Variants in RGS6 observed in about 807,000 individuals in gnomAD.
RGS6 encodes the protein regulator of G protein signaling 6.
A neutral mutation model predicts 78.5 loss-of-function variants in RGS6; 30 were observed. That is an observed-to-expected ratio of 0.38 (90% CI 0.29 to 0.52). RGS6 has a LOEUF of 0.52. Among genes scored for constraint, RGS6 ranks in the 20% least tolerant of loss-of-function variants. The probability of loss-of-function intolerance (pLI) is 0.85; values close to 1 mark genes in which losing one functional copy is unlikely to be tolerated. For synonymous variants in RGS6, 206 were observed against 206.0 expected, an observed-to-expected ratio of 1.00 and a Z score of 0.00; for missense variants, 495 against 609.7, an observed-to-expected ratio of 0.81 and a Z score of 1.98.
chr14:72,567,070 G>T (rs73302587), downstream of RGS6, among the ~76,000 whole-genome samples: 6,369 of 152,298 alleles, frequency 0.042, 454 homozygotes, highest in African/African-American at 0.15. Flanking sequence ...GGCAGTGCTA[G>T]TGTACTGCAA....
At chr14:72,143,708 C>A (rs1417538440) in intron 2 of RGS6, among the ~76,000 whole-genome samples, 1 of 152,118 alleles carries the variant, frequency 6.6e-6, no homozygotes, top group Non-Finnish European at 1.5e-5. Context: ...TCTATCAGAA[C>A]ACGTCTTTAA....
intron 2 of RGS6, among the ~76,000 whole-genome samples, chr14:72,274,378 A>T (rs955195913): frequency 4.6e-5 from 7 of 152,178 alleles, no homozygotes; most frequent in Non-Finnish European, 7.4e-5. Flanking sequence ...GCTTTGTGCC[A>T]TCAGGTCATC....
intron 17 of RGS6, among the ~76,000 whole-genome samples, chr14:72,555,417 T>G (rs1599110886): frequency 6.6e-6 from 1 of 152,214 alleles, no homozygotes; most frequent in African/African-American, 2.4e-5. Context: ...GATTTCCAAA[T>G]GGGATGAGGG....
chr14:72,327,904 A>G (rs1335483429), intron 2 of RGS6, among the ~76,000 whole-genome samples: 1 of 151,024 alleles, frequency 6.6e-6, no homozygotes, highest in East Asian at 1.9e-4. Flanking sequence ...ACAATAGGAT[A>G]TAGCCTAGAT....
chr14:72,289,329 TTCTC>T (rs3831615), intron 2 of RGS6, among the ~76,000 whole-genome samples: 107 of 146,988 alleles, frequency 7.3e-4, no homozygotes, highest in Non-Finnish European at 1.2e-3. Flanking sequence ...TTTTCTTTCT[TTCTC>T]TCTCTCTCTC....
chr14:72,403,027 G>A (rs1046107069), intron 3 of RGS6, among the ~76,000 whole-genome samples: 15 of 151,968 alleles, frequency 9.9e-5, no homozygotes, highest in African/African-American at 3.6e-4. Flanking sequence ...CTGATCTCAA[G>A]TCATCTGCCC....
At position 72,442,310 on chromosome 14, in the gene RGS6, G is replaced by A. The variant is rs539191138; in HGVS notation, c.185-12218G>A. ...TGTCATGGAGTCCTGTTAGCATGGT[G>A]AGCTGCAGGCTGTTCTGCATGAGTC... On this transcript the variant is annotated intron_variant, in intron 3 of 17. Transcript: ENST00000553525. Among the ~76,000 whole-genome samples, 5 of 152,186 alleles carry A rather than the reference G, an allele frequency of 3.3e-5. No individual in the cohort carries two copies. In the South Asian group the frequency reaches 1.0e-3, roughly 32 times the overall value.
At chr14:72,578,692 C>T in the RGS6 span, among the ~76,000 whole-genome samples, 5 of 152,176 alleles carry the variant, frequency 3.3e-5, no homozygotes, top group South Asian at 2.1e-4. Flanking sequence ...CCGCACACAG[C>T]GGGGTATGGC....
chr14:72,590,860 G>A, the RGS6 span, among the ~76,000 whole-genome samples: 1 of 152,232 alleles, frequency 6.6e-6, no homozygotes, highest in Non-Finnish European at 1.5e-5. Flanking sequence ...GCTAGAAGCC[G>A]CTGTCTCTGA....
chr14:71,955,336 G>A (rs964673514), intron 1 of RGS6, among the ~76,000 whole-genome samples: 7 of 152,114 alleles, frequency 4.6e-5, no homozygotes, highest in Admixed American at 2.6e-4. Context: ...AAATGGTAAC[G>A]TTACAGGAAA....
In RGS6 at chr14:72,085,353, A is replaced by G. The variant is rs531549599; in HGVS notation, c.84+120478A>G. On this transcript the variant is annotated intron_variant, in intron 2 of 17. Transcript: ENST00000553525. ...TCCAGCGAGGTTAAGTCACTTGCTC[A>G]GTGTCCCTCAGTATTAAGTGATAAA... Among the ~76,000 whole-genome samples, 420 of 152,318 alleles carry G rather than the reference A, an allele frequency of 2.8e-3. 1 individual carries two copies. Among genetic ancestry groups the G allele is most frequent in the Middle Eastern group, 0.027 (8 of 294 alleles).
At chr14:72,521,263 A>G (rs2097034303) in intron 15 of RGS6, among the ~76,000 whole-genome samples, 1 of 152,224 alleles carries the variant, frequency 6.6e-6, no homozygotes, top group Non-Finnish European at 1.5e-5. Flanking sequence ...TATACTACAC[A>G]GAGCAGTCTC....
At chr14:72,092,666 A>T (rs377150245) in intron 2 of RGS6, among the ~76,000 whole-genome samples, 24 of 152,300 alleles carry the variant, frequency 1.6e-4, no homozygotes, top group African/African-American at 5.8e-4. Flanking sequence ...ACAGGCGTGA[A>T]CCATTGCGCC....
rs544228393 is a variant in RGS6 at position 72,480,983 on chromosome 14, C to T, written c.854+2654C>T. The stretch of plus-strand genomic sequence containing the variant: ...GTCAGGGTTGGACTAAAGGGTGCAT[C>T]CAGACCAGCAGGGAGGGAAAAAGGG... On this transcript the variant is annotated intron_variant, in intron 12 of 17. Transcript: ENST00000553525. Among the ~76,000 whole-genome samples the T allele has an allele frequency of 2.6e-5, 4 of 152,210 alleles. No homozygotes were observed. In the East Asian group the frequency reaches 7.7e-4, roughly 29 times the overall value.
intron 3 of RGS6, among the ~76,000 whole-genome samples, chr14:72,408,556 G>A (rs2093139589): frequency 6.6e-6 from 1 of 152,046 alleles, no homozygotes; most frequent in African/African-American, 2.4e-5. Flanking sequence ...GTGTTGTGTG[G>A]GACTCTATCA....
intron 2 of RGS6, among the ~76,000 whole-genome samples, chr14:72,346,579 C>G (rs1480823221): frequency 2.6e-5 from 4 of 152,224 alleles, no homozygotes; most frequent in African/African-American, 9.6e-5. Context: ...AGAGACCTGG[C>G]TTCCTTTCCT....
the RGS6 span, among the ~76,000 whole-genome samples, chr14:72,619,052 G>A: frequency 1.3e-5 from 2 of 152,240 alleles, no homozygotes; most frequent in African/African-American, 4.8e-5. Context: ...GGGGCCGGAG[G>A]TGTTCTCCCA....
chr14:71,960,722 T>G (rs1444981426), intron 1 of RGS6, among the ~76,000 whole-genome samples: 1 of 152,248 alleles, frequency 6.6e-6, no homozygotes, highest in Non-Finnish European at 1.5e-5. Context: ...GGGATCAGAT[T>G]ATCTTTGTGG....
At chr14:71,979,740 G>T (rs1332590972) in intron 2 of RGS6, among the ~76,000 whole-genome samples, 1 of 152,188 alleles carries the variant, frequency 6.6e-6, no homozygotes, top group Non-Finnish European at 1.5e-5. Context: ...ATATTCTGTT[G>T]ATTTGGGGTG....
Sources: allele counts gnomAD v4.1 joint callset (sites outside exome capture counted in the v4.1 genomes callset), GRCh38; gene constraint gnomAD v4.1.1; transcripts MANE v1.5; gene names NCBI Gene and HGNC (gene_info 2026-07-23, HGNC 2026-07-21).